MGAT4C: variants seen among roughly 807,000 people sequenced by gnomAD.
MGAT4C encodes MGAT4 family member C.
MGAT4C carries 19 observed loss-of-function variants against 40.1 expected under a neutral mutation model. The ratio of observed to expected loss-of-function variants is 0.47; its 90% CI spans 0.33 to 0.70. The LOEUF is 0.70. Ranked by LOEUF, MGAT4C falls within the 30% of genes least tolerant of loss-of-function variation. The pLI, the probability that MGAT4C is intolerant of heterozygous loss-of-function variation, is 0.02. For synonymous variants in MGAT4C, 181 were observed against 187.1 expected, an observed-to-expected ratio of 0.97 and a Z score of 0.27; for missense variants, 491 against 563.2, an observed-to-expected ratio of 0.87 and a Z score of 1.30.
At chr12:86,774,033 G>A (rs1951686938) in intron 1 of MGAT4C, among the ~76,000 whole-genome samples, 1 of 132,622 alleles carries the variant, frequency 7.5e-6, no homozygotes, top group Non-Finnish European at 1.5e-5. Flanking sequence ...GGCTTACTGC[G>A]ACCTCTGTCT....
At chr12:86,790,016 A>T (rs1376318770) in intron 1 of MGAT4C, among the ~76,000 whole-genome samples, 1 of 152,080 alleles carries the variant, frequency 6.6e-6, no homozygotes, top group Non-Finnish European at 1.5e-5. Context: ...TCATTCTTTG[A>T]GCTGTTAGTG....
At chr12:86,064,647 A>T (rs1894351351) in intron 1 of MGAT4C, among the ~76,000 whole-genome samples, 1 of 152,058 alleles carries the variant, frequency 6.6e-6, no homozygotes, top group Non-Finnish European at 1.5e-5. Flanking sequence ...CATCAAAATT[A>T]AAAAGAACTA....
chr12:86,408,532 T>A (rs1956534512), intron 3 of MGAT4C, among the ~76,000 whole-genome samples: 2 of 142,892 alleles, frequency 1.4e-5, no homozygotes, highest in Admixed American at 7.1e-5. Context: ...TATTGGGTAC[T>A]TTTTAACTTT....
intron 1 of MGAT4C, among the ~76,000 whole-genome samples, chr12:86,061,230 A>G (rs1893930402): frequency 6.6e-6 from 1 of 152,130 alleles, no homozygotes; most frequent in African/African-American, 2.4e-5. Flanking sequence ...AGGGTGGGGC[A>G]TCCCCTCAAC....
intron 1 of MGAT4C, among the ~76,000 whole-genome samples, chr12:86,105,671 C>T (rs1339420377): frequency 6.6e-6 from 1 of 152,136 alleles, no homozygotes; most frequent in Non-Finnish European, 1.5e-5. Flanking sequence ...CCACACACAA[C>T]TCATGCTTTT....
chr12:86,566,525 CATATACATATATATATATATATATATAT>C (rs1172869635), intron 2 of MGAT4C, among the ~76,000 whole-genome samples: 1,622 of 70,976 alleles, frequency 0.023, 93 homozygotes, highest in African/African-American at 0.07. Context: ...TTAGTAAACT[CATATACATATATATATATATATATATAT>C]ATATATATAT....
intron 1 of MGAT4C, among the ~76,000 whole-genome samples, chr12:86,807,126 T>A (rs1202946124): frequency 6.6e-6 from 1 of 152,030 alleles, no homozygotes; most frequent in Non-Finnish European, 1.5e-5. Flanking sequence ...TAGTTTTTAT[T>A]TTTATTTTAA....
At chr12:86,585,734 A>T (rs10745425) in intron 2 of MGAT4C, among the ~76,000 whole-genome samples, 6,629 of 37,090 alleles carry the variant, frequency 0.18, 248 homozygotes, top group East Asian at 0.26. Flanking sequence ...TATTTTTTTT[A>T]ATTTTTTTTT....
At chr12:86,826,473 A>G (rs1298711495) in intron 1 of MGAT4C, among the ~76,000 whole-genome samples, 2 of 151,524 alleles carry the variant, frequency 1.3e-5, no homozygotes, top group African/African-American at 4.8e-5. Context: ...TAATTTAAAA[A>G]TTATACCCAA....
Position 86,115,273 on chromosome 12 carries a change from G to A in MGAT4C, c.-56-65550C>T, listed in dbSNP as rs115623852. 1.3e-4 allele frequency among the ~76,000 whole-genome samples: 19 copies of A among 151,944 alleles called. No individual in the cohort carries two copies. The East Asian group carries it at 3.7e-3, about 29-fold the overall frequency. ...ATAATGATATTTTATGGATAAAAAAGGTTCACTGAGATTAAGAACAAACTG... is the reference window on the plus strand; with the variant it reads ...ATAATGATATTTTATGGATAAAAAAAGTTCACTGAGATTAAGAACAAACTG... On this transcript the variant is annotated intron_variant, in intron 1 of 4. Transcript: ENST00000611864.
chr12:86,634,214 A>C lies in MGAT4C; in HGVS notation c.-229+92995T>G, dbSNP rs561197095. Among the ~76,000 whole-genome samples the C allele has an allele frequency of 5.9e-5, 9 of 152,260 alleles. No homozygotes were observed. In the East Asian group the frequency reaches 1.7e-3, roughly 30 times the overall value. ...AATTTTCTAATTTTCTATACTTGAA[A>C]TCATGACTGCAGAAAGTCATTGCCT... is the stretch of plus-strand genomic sequence containing the variant. On this transcript the variant is annotated intron_variant, in intron 2 of 7. Coordinates refer to the MGAT4C transcript ENST00000548651.
intron 1 of MGAT4C, among the ~76,000 whole-genome samples, chr12:86,800,419 CT>C (rs2136202411): frequency 6.6e-6 from 1 of 151,968 alleles, no homozygotes; most frequent in African/African-American, 2.4e-5. Context: ...TTCTCCATCA[CT>C]TTATAATCAA....
At chr12:86,832,870 A>G (rs1392101930) in intron 1 of MGAT4C, among the ~76,000 whole-genome samples, 1 of 151,876 alleles carries the variant, frequency 6.6e-6, no homozygotes, top group East Asian at 1.9e-4. Context: ...TGGACATGAG[A>G]AAACACATGT....
At chr12:86,815,632 T>A (rs1013326859) in intron 1 of MGAT4C, among the ~76,000 whole-genome samples, 4 of 151,056 alleles carry the variant, frequency 2.6e-5, no homozygotes, top group African/African-American at 9.7e-5. Flanking sequence ...TGTGATATTA[T>A]ATAATATTAT....
chr12:86,766,061 A>T (rs1951501609), intron 1 of MGAT4C, among the ~76,000 whole-genome samples: 1 of 152,208 alleles, frequency 6.6e-6, no homozygotes, highest in African/African-American at 2.4e-5. Flanking sequence ...CAATTAAAAG[A>T]CACAGACTGG....
At chr12:86,564,567 T>C (rs938324917) in intron 2 of MGAT4C, among the ~76,000 whole-genome samples, 2 of 152,222 alleles carry the variant, frequency 1.3e-5, no homozygotes, top group African/African-American at 2.4e-5. Context: ...TGCAATGGGA[T>C]GGAAAATAAA....
intron 2 of MGAT4C, among the ~76,000 whole-genome samples, chr12:86,643,052 AGCAG>A (rs2136523721): frequency 6.6e-6 from 1 of 151,924 alleles, no homozygotes; most frequent in South Asian, 2.1e-4. Context: ...GTGCTGTTAC[AGCAG>A]AATACTATAT....
At chr12:86,329,341 A>G (rs1412329189) in intron 4 of MGAT4C, among the ~76,000 whole-genome samples, 1 of 152,148 alleles carries the variant, frequency 6.6e-6, no homozygotes, top group Non-Finnish European at 1.5e-5. Flanking sequence ...GGGCTGGTTC[A>G]GTGGACATAG....
At chr12:86,754,875 A>T (rs1951275625) in intron 1 of MGAT4C, among the ~76,000 whole-genome samples, 1 of 152,124 alleles carries the variant, frequency 6.6e-6, no homozygotes, top group Admixed American at 6.6e-5. Context: ...GGTCTGAAAC[A>T]TAATGGTCAT....
Sources: allele counts gnomAD v4.1 joint callset (sites outside exome capture counted in the v4.1 genomes callset), GRCh38; gene constraint gnomAD v4.1.1; transcripts MANE v1.5; gene names NCBI Gene and HGNC (gene_info 2026-07-23, HGNC 2026-07-21).